Variants in NAV1 observed in about 807,000 individuals in gnomAD.
The protein encoded by NAV1 is pore membrane and/or filament interacting like protein 3.
NAV1 carries 18 observed loss-of-function variants against 175.2 expected under a neutral mutation model. That is an observed-to-expected ratio of 0.10 (90% confidence interval 0.07 to 0.15). The LOEUF is 0.15. Among genes scored for constraint, NAV1 ranks in the 10% least tolerant of loss-of-function variants. The probability of loss-of-function intolerance (pLI) is 1.00; values close to 1 mark genes in which losing one functional copy is unlikely to be tolerated. For synonymous variants in NAV1, 897 were observed against 978.7 expected, an observed-to-expected ratio of 0.92 and a Z score of 1.56; for missense variants, 1,731 against 2,436.6, an observed-to-expected ratio of 0.71 and a Z score of 6.10.
At chr1:201,647,477 T>C (rs878974787), upstream of NAV1, among the ~76,000 whole-genome samples, 1 of 152,156 alleles carries the variant, frequency 6.6e-6, no homozygotes. Flanking sequence ...ATAACCACTA[T>C]AAAAGAAAAC....
intron 15 of NAV1, among the ~76,000 whole-genome samples, chr1:201,802,636 T>C (rs1235217793): frequency 1.3e-5 from 2 of 150,762 alleles, no homozygotes; most frequent in African/African-American, 2.4e-5. Flanking sequence ...AAAAAATTAG[T>C]GGGCCTGGTG....
intron 4 of NAV1, 77 bp from the exon 9 acceptor site, chr1:201,780,935 T>C (rs1571486073): frequency 6.7e-7 from 1 of 1,486,426 alleles, no homozygotes; most frequent in East Asian, 2.3e-5. Context: ...AGGTACTAAC[T>C]AAAATCAATC....
At chr1:201,666,020 G>A (rs999908053) in intron 1 of NAV1, among the ~76,000 whole-genome samples, 1 of 152,064 alleles carries the variant, frequency 6.6e-6, no homozygotes, top group African/African-American at 2.4e-5. Context: ...AGGGAGCTCC[G>A]AGGGAGTGGG....
rs5780079 is a variant in NAV1 at position 201,628,138 on chromosome 1, C to CA, written c.-100-1248dup. 2.6e-3 allele frequency among the ~76,000 whole-genome samples: 248 copies of CA among 95,794 alleles called. 1 individual carries two copies. The highest frequency in any genetic ancestry group is 6.8e-3 in the Admixed American group (56 of 8,206). 62.8% of individuals were successfully genotyped at this position (95,794 alleles called of 152,430 possible). A position where few individuals can be genotyped will look rare whatever the true frequency, so the allele number is the denominator to read the frequency against. On this transcript the variant is annotated intron_variant, in intron 1 of 29. Coordinates refer to the NAV1 transcript ENST00000367302. The stretch of plus-strand genomic sequence containing the variant: ...TGAGTGACACAGTGAGACCCTGTGT[C>CA]AAAAAAAAAAAAAAAAAAGAGAGAC...
chr1:201,619,782 C>T (rs1351776052), upstream of NAV1, among the ~76,000 whole-genome samples: 1 of 152,218 alleles, frequency 6.6e-6, no homozygotes, highest in Non-Finnish European at 1.5e-5. Context: ...AGGAGGCAGG[C>T]AAGCCCTGGG....
intron 15 of NAV1, among the ~76,000 whole-genome samples, chr1:201,802,469 A>AAAG (rs1553278318): frequency 7.9e-6 from 1 of 126,940 alleles, no homozygotes; most frequent in Non-Finnish European, 1.7e-5. Context: ...AAAAAAAAAA[A>AAAG]AAAAAAAGAA....
intron 3 of NAV1, among the ~76,000 whole-genome samples, chr1:201,772,230 G>A (rs1278651605): frequency 6.6e-6 from 1 of 152,224 alleles, no homozygotes; most frequent in African/African-American, 2.4e-5. Context: ...TGGCAAGGAG[G>A]ATCATGGAAA....
chr1:201,585,451 C>A (rs530492436), intron 1 of NAV1, among the ~76,000 whole-genome samples: 1 of 151,984 alleles, frequency 6.6e-6, no homozygotes, highest in Admixed American at 6.6e-5. Context: ...CACACACACA[C>A]AAATAGACAA....
intron 3 of NAV1, among the ~76,000 whole-genome samples, chr1:201,720,144 C>T (rs2102489133): frequency 6.6e-6 from 1 of 152,318 alleles, no homozygotes; most frequent in East Asian, 1.9e-4. Flanking sequence ...TGGTCAGAGG[C>T]CTGTGCTGGG....
At chr1:201,621,127 CCAGGCTGG>C (rs1378083162), upstream of NAV1, among the ~76,000 whole-genome samples, 12 of 151,446 alleles carry the variant, frequency 7.9e-5, no homozygotes, top group African/African-American at 2.9e-4. Flanking sequence ...GAGATGTTGC[CCAGGCTGG>C]TGTCAAACTC....
At chr1:201,729,661 C>T (rs1672762175) in intron 3 of NAV1, among the ~76,000 whole-genome samples, 1 of 152,046 alleles carries the variant, frequency 6.6e-6, no homozygotes, top group African/African-American at 2.4e-5. Flanking sequence ...AATCCCAGCA[C>T]TTCGGGAGGC....
At chr1:201,768,906 A>G (rs1675385615) in intron 3 of NAV1, among the ~76,000 whole-genome samples, 1 of 152,154 alleles carries the variant, frequency 6.6e-6, no homozygotes, top group Non-Finnish European at 1.5e-5. Flanking sequence ...GTTCCAAGAA[A>G]GCTATGGAAA....
chr1:201,785,202 C>A (rs1411269975), intron 7 of NAV1, 108 bp from the exon 12 acceptor site: 3 of 1,112,778 alleles, frequency 2.7e-6, no homozygotes, highest in Non-Finnish European at 3.9e-6. Flanking sequence ...TGATGTCCTG[C>A]GTCTAGGGTC....
intron 1 of NAV1, among the ~76,000 whole-genome samples, chr1:201,549,088 T>TTTCTTTC (rs1446525080): frequency 9.4e-6 from 1 of 106,670 alleles, no homozygotes; most frequent in African/African-American, 3.1e-5. Context: ...TCTTTCTTTC[T>TTTCTTTC]TTCTTTCTTT....
At chr1:201,542,039 C>T (rs1665530750) in intron 1 of NAV1, among the ~76,000 whole-genome samples, 1 of 152,192 alleles carries the variant, frequency 6.6e-6, no homozygotes, top group Non-Finnish European at 1.5e-5. Flanking sequence ...TTAAAAGGAT[C>T]TCCACTCCTC....
intron 2 of NAV1, among the ~76,000 whole-genome samples, chr1:201,715,132 G>T (rs1384626362): frequency 1.3e-5 from 2 of 150,780 alleles, no homozygotes; most frequent in Admixed American, 1.3e-4. Context: ...CACACTGGTA[G>T]CCAAAACAAT....
At chr1:201,742,632 C>G (rs1309088896) in intron 3 of NAV1, among the ~76,000 whole-genome samples, 1 of 152,098 alleles carries the variant, frequency 6.6e-6, no homozygotes, top group African/African-American at 2.4e-5. Context: ...TGGAAAGAAC[C>G]CTTAGCTAGA....
chr1:201,692,654 A>C (rs1199264443), intron 1 of NAV1, among the ~76,000 whole-genome samples: 1 of 152,248 alleles, frequency 6.6e-6, no homozygotes, highest in Non-Finnish European at 1.5e-5. Flanking sequence ...ACAAAGGCTC[A>C]CATATGTGAC....
chr1:201,585,678 A>G (rs1214235238), intron 1 of NAV1, among the ~76,000 whole-genome samples: 1 of 152,210 alleles, frequency 6.6e-6, no homozygotes, highest in Non-Finnish European at 1.5e-5. Flanking sequence ...TCTTCAAAGA[A>G]TATATATAAA....
Sources: gnomAD v4.1 joint callset for allele counts (sites outside exome capture counted in the v4.1 genomes callset) on GRCh38, gnomAD v4.1.1 for gene constraint, MANE v1.5 for transcripts, NCBI Gene and HGNC (gene_info 2026-07-23, HGNC 2026-07-21) for gene names.